The following ALK variants were observed in gnomAD, a reference collection of about 807,000 sequenced individuals.
ALK encodes ALK receptor tyrosine kinase.
A neutral mutation model predicts 163.1 loss-of-function variants in ALK; 74 were observed. The ratio of observed to expected loss-of-function variants is 0.45; its 90% confidence interval spans 0.38 to 0.55. The LOEUF (loss-of-function observed/expected upper bound fraction) is 0.55, where lower values mean the gene tolerates loss of function less well. Among genes scored for constraint, ALK ranks in the 20% least tolerant of loss-of-function variants. The pLI is 0.00. For synonymous variants in ALK, 960 were observed against 843.2 expected (o/e 1.14, Z -2.40); for missense variants, 2,063 against 2,105.3 (o/e 0.98, Z 0.39).
intron 23 of ALK, among the ~76,000 whole-genome samples, chr2:29,214,682 C>G (rs1669553969): frequency 6.6e-6 from 1 of 152,214 alleles, no homozygotes; most frequent in South Asian, 2.1e-4. Flanking sequence ...ATGTCACCTC[C>G]CTACCCCTCT....
rs1553315937 is a variant in ALK, at chr2:29,440,318, A to ATTTTTTT, written c.1155-56466_1155-56460dup. On this transcript the variant is annotated intron_variant, in intron 4 of 28. Transcript: ENST00000389048. ...GTTACGTAGGTTACGTGATGAATCA[A>ATTTTTTT]TTTTTTTTTTTTTTTTTTGAGACGG... Among the ~76,000 whole-genome samples the ATTTTTTT allele has an allele frequency of 2.4e-5, 2 of 83,166 alleles. 1 individual carries two copies. Among genetic ancestry groups the ATTTTTTT allele is most frequent in the Non-Finnish European group, 5.9e-5 (2 of 33,892 alleles). The allele number at this position is 83,166 out of a possible 152,430, so 54.6% of individuals were successfully genotyped here. A position where few individuals can be genotyped will look rare whatever the true frequency, so the allele number is the denominator to read the frequency against.
At chr2:29,584,460 TCAGA>T (rs1324718149) in intron 3 of ALK, among the ~76,000 whole-genome samples, 3 of 152,214 alleles carry the variant, frequency 2.0e-5, no homozygotes, top group Admixed American at 6.5e-5. Flanking sequence ...CCTGTGACTC[TCAGA>T]CAGGCACACA....
At chr2:29,544,097 C>T (rs879071562) in intron 3 of ALK, among the ~76,000 whole-genome samples, 2 of 152,292 alleles carry the variant, frequency 1.3e-5, no homozygotes, top group Admixed American at 1.3e-4. Flanking sequence ...CAGTTGATCA[C>T]AATGCCACTC....
chr2:29,728,792 AC>A (rs1461084087), intron 1 of ALK, among the ~76,000 whole-genome samples: 1 of 152,140 alleles, frequency 6.6e-6, no homozygotes, highest in African/African-American at 2.4e-5. Flanking sequence ...TTATAGAGGA[AC>A]CTTGATGGAT....
intron 3 of ALK, among the ~76,000 whole-genome samples, chr2:29,629,575 C>T (rs1243088874): frequency 6.6e-6 from 1 of 152,184 alleles, no homozygotes; most frequent in Non-Finnish European, 1.5e-5. Flanking sequence ...TCTGTTACAC[C>T]TAGCACAGAT....
At chr2:29,847,976 T>C (rs1406856775) in intron 1 of ALK, among the ~76,000 whole-genome samples, 1 of 152,054 alleles carries the variant, frequency 6.6e-6, no homozygotes, top group Non-Finnish European at 1.5e-5. Flanking sequence ...GACAAACTTC[T>C]GGCTCCAAAA....
At chr2:29,272,105 CATT>C (rs1247048580) in intron 11 of ALK, among the ~76,000 whole-genome samples, 5 of 150,810 alleles carry the variant, frequency 3.3e-5, no homozygotes. Flanking sequence ...TGCTAACATT[CATT>C]ACTGCCAGAG....
At chr2:29,253,701 C>T (rs893635142) in intron 11 of ALK, among the ~76,000 whole-genome samples, 1 of 152,106 alleles carries the variant, frequency 6.6e-6, no homozygotes, top group Non-Finnish European at 1.5e-5. Flanking sequence ...ATCTATAGTT[C>T]CTTGAAACCT....
At position 29,452,151 on chromosome 2, in the gene ALK, T is replaced by A. The variant is rs114446503; in HGVS notation, c.1155-68292A>T. Among the ~76,000 whole-genome samples the A allele has an allele frequency of 6.1e-3, 931 of 152,224 alleles. 18 individuals are homozygous for A. Among genetic ancestry groups the A allele is most frequent in the African/African-American group, 0.022 (900 of 41,544 alleles). ...ACCCCACTTACAGACGTCACTTGAT[T>A]TGGTTCTTCCTACTTCCTCCTCCTT... On this transcript the variant is annotated intron_variant, in intron 4 of 28. Transcript: ENST00000389048.
intron 1 of ALK, among the ~76,000 whole-genome samples, chr2:29,749,863 G>A (rs148024555): frequency 2.6e-5 from 4 of 152,310 alleles, no homozygotes; most frequent in South Asian, 2.1e-4. Flanking sequence ...CCTGTTCCAC[G>A]GAATAGGAAC....
intron 3 of ALK, among the ~76,000 whole-genome samples, chr2:29,542,564 C>T (rs1673441639): frequency 6.6e-6 from 1 of 152,172 alleles, no homozygotes; most frequent in East Asian, 1.9e-4. Context: ...AGATTAGAAA[C>T]TTTGCCTCAA....
chr2:29,802,107 C>G (rs114444745), intron 1 of ALK, among the ~76,000 whole-genome samples: 1 of 152,004 alleles, frequency 6.6e-6, no homozygotes, highest in Non-Finnish European at 1.5e-5. Flanking sequence ...TCTCCCAAAA[C>G]TAATCAAGAT....
At chr2:29,325,010 G>A (rs1667208925) in intron 6 of ALK, among the ~76,000 whole-genome samples, 3 of 152,214 alleles carry the variant, frequency 2.0e-5, no homozygotes, top group African/African-American at 7.2e-5. Flanking sequence ...CCCAGAGTGA[G>A]TCTGATAATC....
chr2:29,599,330 T>C (rs1210402574), intron 3 of ALK, among the ~76,000 whole-genome samples: 2 of 152,258 alleles, frequency 1.3e-5, no homozygotes, highest in Non-Finnish European at 2.9e-5. Context: ...TACTTTTTAA[T>C]GTTTCAAAGT....
chr2:29,491,515 G>A (rs1671901770), intron 4 of ALK, among the ~76,000 whole-genome samples: 1 of 152,126 alleles, frequency 6.6e-6, no homozygotes, highest in African/African-American at 2.4e-5. Flanking sequence ...TCAGTTCCCT[G>A]ATCTACTAGA....
At chr2:29,839,858 TA>T (rs1167122360) in intron 1 of ALK, among the ~76,000 whole-genome samples, 1 of 152,150 alleles carries the variant, frequency 6.6e-6, no homozygotes, top group East Asian at 1.9e-4. Flanking sequence ...GATAATGATA[TA>T]ATAATAATTG....
chr2:29,873,145 T>C (rs1396151774), intron 1 of ALK, among the ~76,000 whole-genome samples: 1 of 152,206 alleles, frequency 6.6e-6, no homozygotes, highest in African/African-American at 2.4e-5. Context: ...CACTGACAGA[T>C]GTTTTATCAA....
chr2:29,640,656 G>A (rs910451930), intron 3 of ALK, among the ~76,000 whole-genome samples: 4 of 152,186 alleles, frequency 2.6e-5, no homozygotes, highest in Admixed American at 2.0e-4. Flanking sequence ...TTAGAACAAT[G>A]TGAAGATGGC....
At chr2:29,559,332 A>G (rs749014516) in intron 3 of ALK, among the ~76,000 whole-genome samples, 2 of 152,216 alleles carry the variant, frequency 1.3e-5, no homozygotes, top group East Asian at 1.9e-4. Flanking sequence ...GAGACCAAGC[A>G]TCTTGGGATC....
Sources: allele counts gnomAD v4.1 joint callset (sites outside exome capture counted in the v4.1 genomes callset), GRCh38; gene constraint gnomAD v4.1.1; transcripts MANE v1.5; gene names NCBI Gene and HGNC (gene_info 2026-07-23, HGNC 2026-07-21).